The following RAB19 variants were observed in gnomAD, a reference collection of about 807,000 sequenced individuals.
The protein encoded by RAB19 is RAB19, member RAS oncogene family, also known as ras-related protein Rab-19.
A neutral mutation model predicts 17.3 loss-of-function variants in RAB19; 21 were observed. The ratio of observed to expected loss-of-function variants is 1.21; its 90% CI spans 0.86 to 1.74. The LOEUF is 1.74. Ranked by LOEUF, RAB19 falls within the 40% of genes most tolerant of loss-of-function variation. The pLI is 0.00. For missense variants in RAB19, 277 were observed against 286.8 expected (o/e 0.97, Z 0.25); for synonymous variants, 126 against 110.4 (o/e 1.14, Z -0.88).
rs1205190663 is a variant in RAB19, at chr7:140,426,235, G to A, written c.*85G>A. ...AGGATACCGTAGTGTTGCCCCAGTG[G>A]CGCTTTAGACCCCAGCGTGGACTTG... is the stretch of plus-strand genomic sequence containing the variant. On this transcript the variant is annotated 3_prime_UTR_variant, in exon 4 of 4. Transcript: ENST00000537763. 4.6e-6 allele frequency: 7 copies of A among 1,506,150 alleles called. No individual in the cohort carries two copies. The highest frequency in any genetic ancestry group is 4.2e-5 in the Admixed American group (2 of 47,276). The allele number at this position is 1,506,150 out of a possible 1,614,324, so 93.3% of individuals were successfully genotyped here.
intron 3 of RAB19, among the ~76,000 whole-genome samples, chr7:140,419,030 T>A (rs779770058): frequency 1.6e-4 from 24 of 151,312 alleles, no homozygotes; most frequent in Non-Finnish European, 2.9e-5. Flanking sequence ...AATACTGCAG[T>A]TTTGTTTTGG....
intron 3 of RAB19, among the ~76,000 whole-genome samples, chr7:140,424,851 C>T (rs1335826679): frequency 6.6e-6 from 1 of 151,930 alleles, no homozygotes; most frequent in East Asian, 1.9e-4. Flanking sequence ...AATAGTCTAG[C>T]TTGTCTTAAT....
At chr7:140,415,192 A>T (rs1799434554) in intron 3 of RAB19, among the ~76,000 whole-genome samples, 1 of 151,334 alleles carries the variant, frequency 6.6e-6, no homozygotes, top group African/African-American at 2.4e-5. Context: ...CTCCTGTCTC[A>T]GCCTCCCAAG....
chr7:140,410,887 G>T, intron 2 of RAB19: 1 of 1,353,502 alleles, frequency 7.4e-7, no homozygotes, highest in African/African-American at 1.5e-5. Flanking sequence ...GTGTGAATTG[G>T]TGCTGCCGCT....
In RAB19 at chr7:140,406,847, C is replaced by T. The variant is rs78984308; in HGVS notation, c.-23-777C>T. Among the ~76,000 whole-genome samples, 1,002 of 151,982 alleles carry T rather than the reference C, an allele frequency of 6.6e-3. 11 individuals are homozygous for T. The highest frequency in any genetic ancestry group is 0.023 in the African/African-American group (948 of 41,470). On this transcript the variant is annotated intron_variant, in intron 1 of 3. Transcript: ENST00000537763. The stretch of plus-strand genomic sequence containing the variant: ...TTACCAATCACCTCTTATCAGTCCT[C>T]GTTGCTAGCTACCTGGATGGTCAGT...
rs1243681549 is a variant in RAB19 at position 140,407,846 on chromosome 7, A to G, written c.200A>G (p.Lys67Arg). The G allele has an allele frequency of 2.5e-6, 4 of 1,595,398 alleles. No individual in the cohort carries two copies. The highest frequency in any genetic ancestry group is 1.4e-5 in the African/African-American group (1 of 73,466). Residue 67 changes from lysine (K) to arginine (R), a missense_variant and splice_region_variant, in exon 2 of 4, where the codon AAG (lysine) becomes AGG (arginine). Coordinates refer to ENST00000537763, the MANE Select transcript of RAB19 (RefSeq NM_001008749.3). ...CTTGATATTGACGGCAAAAAAGTGA[A>G]GGTCAGAGGGCACCGGGACGGGACT... ...RSLDIDGKKV[K>R]MQVWDTAGQE...
chr7:140,419,854 G>T (rs1799526490), intron 3 of RAB19, among the ~76,000 whole-genome samples: 1 of 152,136 alleles, frequency 6.6e-6, no homozygotes, highest in South Asian at 2.1e-4. Flanking sequence ...GAGATCACTA[G>T]TGTTTTTCAT....
In RAB19 at chr7:140,411,930, C is replaced by A. The variant is rs148867635; in HGVS notation, c.258C>A (p.Tyr86Ter). 11 of 1,614,232 alleles carry A rather than the reference C, an allele frequency of 6.8e-6. No individual in the cohort carries two copies. In the African/African-American group the frequency reaches 1.5e-4, roughly 22 times the overall value. Residue 86 changes from tyrosine to a stop codon, truncating the protein, a stop_gained, in exon 3 of 4, where the codon TAC (tyrosine) becomes TAA (stop). Coordinates refer to ENST00000537763, the MANE Select transcript of RAB19 (RefSeq NM_001008749.3). LOFTEE classifies it high-confidence loss of function. ...QERFRTITQS[Y>*]YRSAHAAIIA... ...GCTTCCGCACCATCACCCAAAGCTA[C>A]TACCGCAGTGCCCACGCAGCCATCA...
chr7:140,407,879 C>CTTTTTT (rs1563068677), intron 2 of RAB19, 32 bp downstream of exon 2: 1 of 836,854 alleles, frequency 1.2e-6, no homozygotes. Flanking sequence ...ACTGGTTCCA[C>CTTTTTT]CTTTTTTTTT....
At chr7:140,415,171 T>A (rs1376760968) in intron 3 of RAB19, among the ~76,000 whole-genome samples, 4 of 151,460 alleles carry the variant, frequency 2.6e-5, no homozygotes, top group Admixed American at 2.0e-4. Context: ...ACCACCCGGG[T>A]TCAAGTGATT....
chr7:140,422,253 G>A (rs746225135), intron 3 of RAB19, among the ~76,000 whole-genome samples: 5 of 152,130 alleles, frequency 3.3e-5, no homozygotes, highest in African/African-American at 1.2e-4. Flanking sequence ...GCTGGGCGTC[G>A]TGGTGGGTGC....
At chr7:140,410,640 G>A (rs1003511758) in intron 2 of RAB19, among the ~76,000 whole-genome samples, 1 of 151,032 alleles carries the variant, frequency 6.6e-6, no homozygotes, top group Non-Finnish European at 1.5e-5. Flanking sequence ...TGTATTTTTC[G>A]TACAGATGGG....
At chr7:140,408,345 G>A (rs1353010222) in intron 2 of RAB19, among the ~76,000 whole-genome samples, 2 of 151,706 alleles carry the variant, frequency 1.3e-5, no homozygotes, top group African/African-American at 2.4e-5. Flanking sequence ...AATGAGACAC[G>A]AACCCAGAAG....
At chr7:140,406,932 C>T (rs1799253013) in intron 1 of RAB19, among the ~76,000 whole-genome samples, 2 of 151,566 alleles carry the variant, frequency 1.3e-5, no homozygotes, top group African/African-American at 4.9e-5. Context: ...GTTGCCCAGG[C>T]TGGAGTGCAA....
chr7:140,407,010 C>G (rs985374362), intron 1 of RAB19, among the ~76,000 whole-genome samples: 3 of 152,052 alleles, frequency 2.0e-5, no homozygotes, highest in African/African-American at 7.2e-5. Context: ...CTCAGCCTCC[C>G]GAATAGCTGA....
chr7:140,406,978 C>T (rs568807143), intron 1 of RAB19, among the ~76,000 whole-genome samples: 8 of 152,092 alleles, frequency 5.3e-5, no homozygotes, highest in Non-Finnish European at 1.0e-4. Context: ...TTCCGCCTCC[C>T]GGATTCAAGT....
intron 1 of RAB19, among the ~76,000 whole-genome samples, chr7:140,405,207 G>A (rs1269896351): frequency 4.5e-5 from 5 of 110,174 alleles, no homozygotes; most frequent in African/African-American, 1.5e-4. Context: ...TTTTGGTTTT[G>A]TGTTTTTGTT....
intron 2 of RAB19, among the ~76,000 whole-genome samples, chr7:140,408,943 A>G (rs1428609660): frequency 6.6e-6 from 1 of 152,116 alleles, no homozygotes; most frequent in East Asian, 1.9e-4. Flanking sequence ...AATTTGTTGT[A>G]GAGACAGGAT....
intron 3 of RAB19, among the ~76,000 whole-genome samples, chr7:140,420,727 C>T (rs57836566): frequency 0.027 from 4,059 of 152,144 alleles, 156 homozygotes; most frequent in African/African-American, 0.092. Context: ...TCCTGTTGGG[C>T]TGTCTGTGAC....
Sources: allele counts gnomAD v4.1 joint callset (sites outside exome capture counted in the v4.1 genomes callset), GRCh38; gene constraint gnomAD v4.1.1; transcripts MANE v1.5; gene names NCBI Gene and HGNC (gene_info 2026-07-23, HGNC 2026-07-21).